The following VWC2 variants were observed in gnomAD, a reference collection of about 807,000 sequenced individuals.
VWC2 encodes brorin.
VWC2 carries 14 observed loss-of-function variants against 29.8 expected under a neutral mutation model. The ratio of observed to expected loss-of-function variants is 0.47; its 90% CI spans 0.31 to 0.74. The LOEUF (loss-of-function observed/expected upper bound fraction) is 0.74, where lower values mean the gene tolerates loss of function less well. Ranked by LOEUF, VWC2 falls within the 30% of genes least tolerant of loss-of-function variation. The pLI, the probability that VWC2 is intolerant of heterozygous loss-of-function variation, is 0.05. For missense variants in VWC2, 457 were observed against 459.8 expected (o/e 0.99, Z 0.05); for synonymous variants, 213 against 199.0 (o/e 1.07, Z -0.59).
At chr7:49,788,155 T>C (rs1469672767) in intron 2 of VWC2, among the ~76,000 whole-genome samples, 3 of 152,210 alleles carry the variant, frequency 2.0e-5, no homozygotes, top group Admixed American at 2.0e-4. Flanking sequence ...GCCTGTCCAC[T>C]CCTGGCTCGG....
intron 3 of VWC2, among the ~76,000 whole-genome samples, chr7:49,875,382 A>AAAAAAAAAAC (rs1336157603): frequency 3.3e-5 from 5 of 149,324 alleles, no homozygotes; most frequent in Non-Finnish European, 5.9e-5. Context: ...AAAAAAAAAA[A>AAAAAAAAAAC]AAAAAAAAAA....
At chr7:49,837,761 C>T (rs934087826) in intron 3 of VWC2, among the ~76,000 whole-genome samples, 1 of 152,108 alleles carries the variant, frequency 6.6e-6, no homozygotes, top group Non-Finnish European at 1.5e-5. Context: ...TTGAATTTTC[C>T]AGTAGCCGAG....
At chr7:49,796,215 T>A (rs971984620) in intron 2 of VWC2, among the ~76,000 whole-genome samples, 2 of 152,254 alleles carry the variant, frequency 1.3e-5, no homozygotes, top group African/African-American at 4.8e-5. Flanking sequence ...CTGAAGTTTC[T>A]TAGCTCATAC....
intron 3 of VWC2, among the ~76,000 whole-genome samples, chr7:49,887,122 G>T (rs1277845218): frequency 6.6e-6 from 1 of 152,110 alleles, no homozygotes; most frequent in East Asian, 1.9e-4. Context: ...ATCGACAAGG[G>T]TTTGTATATT....
At chr7:49,904,202 C>G (rs1792952395) in intron 3 of VWC2, among the ~76,000 whole-genome samples, 1 of 152,136 alleles carries the variant, frequency 6.6e-6, no homozygotes, top group South Asian at 2.1e-4. Context: ...ACAGGCTGCT[C>G]TTTGTTAGAA....
At chr7:49,877,499 T>TATATATATATATATATAG (rs1791483774) in intron 3 of VWC2, among the ~76,000 whole-genome samples, 1 of 87,926 alleles carries the variant, frequency 1.1e-5, no homozygotes, top group Non-Finnish European at 2.4e-5. Flanking sequence ...TATATATATA[T>TATATATATATATATATAG]ATATATATAT....
intron 3 of VWC2, among the ~76,000 whole-genome samples, chr7:49,836,081 T>C (rs1474810927): frequency 6.6e-6 from 1 of 152,214 alleles, no homozygotes; most frequent in Non-Finnish European, 1.5e-5. Flanking sequence ...GTTTTCATTC[T>C]GAGTTCAGAT....
chr7:49,818,245 A>G (rs1396735970), intron 3 of VWC2, among the ~76,000 whole-genome samples: 3 of 152,204 alleles, frequency 2.0e-5, no homozygotes, highest in Non-Finnish European at 4.4e-5. Flanking sequence ...TCACAGAGAA[A>G]TATTTCCCAA....
intron 2 of VWC2, among the ~76,000 whole-genome samples, chr7:49,791,961 T>C (rs1396500916): frequency 6.6e-6 from 1 of 152,170 alleles, no homozygotes; most frequent in East Asian, 1.9e-4. Flanking sequence ...GTCTGCTCTC[T>C]AGAAAACCAA....
At position 49,844,913 on chromosome 7, in the gene VWC2, C is replaced by A. The variant is rs6953444; in HGVS notation, c.826+42073C>A. Among the ~76,000 whole-genome samples the A allele has an allele frequency of 3.5e-3, 531 of 152,226 alleles. 1 individual carries two copies. Among genetic ancestry groups the A allele is most frequent in the African/African-American group, 0.012 (493 of 41,522 alleles). On this transcript the variant is annotated intron_variant, in intron 3 of 3. Transcript: ENST00000340652. ...GGCCAGGCTAGTCTTGAACTCCTGACCCCAGGTGATCTGCCCACCTTGGCC... is the reference window on the plus strand; with the variant it reads ...GGCCAGGCTAGTCTTGAACTCCTGAACCCAGGTGATCTGCCCACCTTGGCC...
In VWC2 at chr7:49,913,977, T is replaced by G. The variant is rs553155274; in HGVS notation, c.*1792T>G. The G allele has an allele frequency of 6.6e-5, 10 of 152,324 alleles. No individual in the cohort carries two copies. The highest frequency in any genetic ancestry group is 2.2e-4 in the African/African-American group (9 of 41,582). The allele number at this position is 152,324 out of a possible 1,614,324, so 9.4% of individuals were successfully genotyped here. On this transcript the variant is annotated 3_prime_UTR_variant, in exon 4 of 4. Coordinates refer to ENST00000340652, the MANE Select transcript of VWC2 (RefSeq NM_198570.5). Reference sequence around the variant, plus strand: ...GCCAAAGGAACTACCAGTACATAGATTTCATGAAAATACTCAGGGGAATTA... The same window carrying G: ...GCCAAAGGAACTACCAGTACATAGAGTTCATGAAAATACTCAGGGGAATTA...
intron 2 of VWC2, among the ~76,000 whole-genome samples, chr7:49,788,526 T>A (rs1399517550): frequency 2.0e-5 from 3 of 149,544 alleles, no homozygotes; most frequent in Non-Finnish European, 3.0e-5. Context: ...AGTGTGGGTG[T>A]GAGACAGTGT....
At chr7:49,776,767 G>A (rs779503652) in intron 2 of VWC2, among the ~76,000 whole-genome samples, 55 of 152,148 alleles carry the variant, frequency 3.6e-4, no homozygotes, top group Non-Finnish European at 6.9e-4. Context: ...CCTACTGTGC[G>A]TCAGGATCCC....
At chr7:49,838,303 T>C (rs1789712080) in intron 3 of VWC2, among the ~76,000 whole-genome samples, 2 of 152,264 alleles carry the variant, frequency 1.3e-5, no homozygotes, top group Admixed American at 1.3e-4. Flanking sequence ...AACAATATTC[T>C]GTTAAACACA....
At chr7:49,893,724 G>A (rs1456612918) in intron 3 of VWC2, among the ~76,000 whole-genome samples, 2 of 151,784 alleles carry the variant, frequency 1.3e-5, no homozygotes, top group East Asian at 3.9e-4. Context: ...TACAATAGAT[G>A]TTGATTCCTC....
intron 3 of VWC2, among the ~76,000 whole-genome samples, chr7:49,877,507 T>TATATATATATAGATATAG (rs1562747891): frequency 1.1e-5 from 1 of 90,318 alleles, no homozygotes; most frequent in Admixed American, 1.2e-4. Context: ...TATATATATA[T>TATATATATATAGATATAG]ATATATATAT....
chr7:49,890,730 C>A (rs115099336), intron 3 of VWC2, among the ~76,000 whole-genome samples: 83 of 145,582 alleles, frequency 5.7e-4, no homozygotes, highest in Middle Eastern at 3.5e-3. Context: ...CAAAGCAAAA[C>A]AAAAAAAAAA....
chr7:49,858,050 T>C (rs988378887), intron 3 of VWC2, among the ~76,000 whole-genome samples: 5 of 152,304 alleles, frequency 3.3e-5, no homozygotes, highest in African/African-American at 7.2e-5. Context: ...TTTCTAGTTC[T>C]AGATCCCTGA....
chr7:49,852,854 G>A (rs1324817104), intron 3 of VWC2, among the ~76,000 whole-genome samples: 2 of 152,206 alleles, frequency 1.3e-5, no homozygotes, highest in African/African-American at 4.8e-5. Flanking sequence ...CTGGCTCCTT[G>A]AACTACAGTT....
Sources: gnomAD v4.1 joint callset for allele counts (sites outside exome capture counted in the v4.1 genomes callset) on GRCh38, gnomAD v4.1.1 for gene constraint, MANE v1.5 for transcripts, NCBI Gene and HGNC (gene_info 2026-07-23, HGNC 2026-07-21) for gene names.